The following LPP variants were observed in gnomAD, a reference collection of about 807,000 sequenced individuals.
LPP encodes LIM domain containing preferred translocation partner in lipoma.
LPP carries 38 observed loss-of-function variants against 60.4 expected under a neutral mutation model. The ratio of observed to expected loss-of-function variants is 0.63; its 90% confidence interval spans 0.49 to 0.83. The LOEUF is 0.83. Among genes scored for constraint, LPP ranks in the 40% least tolerant of loss-of-function variants. The pLI is 0.00. For missense variants in LPP, 902 were observed against 783.6 expected (o/e 1.15, Z -1.80); for synonymous variants, 328 against 290.8 (o/e 1.13, Z -1.30).
At chr3:188,577,656 A>G (rs75554010) in intron 6 of LPP, among the ~76,000 whole-genome samples, 22,905 of 151,690 alleles carry the variant, frequency 0.15, 1,986 homozygotes, top group Middle Eastern at 0.23. Context: ...ATATCTACAA[A>G]GGCAAATTAA....
At chr3:188,616,114 T>A (rs148718141) in intron 7 of LPP, among the ~76,000 whole-genome samples, 100 of 152,336 alleles carry the variant, frequency 6.6e-4, no homozygotes, top group Admixed American at 5.6e-3. Flanking sequence ...TTTTGGCTTT[T>A]GTTGCAATTG....
At position 188,248,468 on chromosome 3, in the gene LPP, T is replaced by TTATATATATATATATATATATATATA. The variant is rs55811112; in HGVS notation, c.-67+22946_-67+22971dup. 3.0e-3 allele frequency among the ~76,000 whole-genome samples: 256 copies of TTATATATATATATATATATATATATA among 84,056 alleles called. 7 individuals carry two copies. Among genetic ancestry groups the TTATATATATATATATATATATATATA allele is most frequent in the African/African-American group, 5.9e-3 (111 of 18,802 alleles). The allele number at this position is 84,056 out of a possible 152,430, so 55.1% of individuals were successfully genotyped here. A position where few individuals can be genotyped will look rare whatever the true frequency, so the allele number is the denominator to read the frequency against. The stretch of plus-strand genomic sequence containing the variant: ...CCTAGTGTTCAGCTGCAGTATAACT[T>TTATATATATATATATATATATATATA]TATATATATATATATATATATATAT... On this transcript the variant is annotated intron_variant, in intron 2 of 11. Coordinates refer to ENST00000617246, the MANE Select transcript of LPP (RefSeq NM_001375462.1).
chr3:188,881,199 A>G lies in LPP; in HGVS notation c.*6720A>G, dbSNP rs1769973440. Reference sequence around the variant, plus strand: ...TTTAAAGATCTGAATCTTCTCTGTTATTTTCCTGATGAATCACCATCCCAT... The same window carrying G: ...TTTAAAGATCTGAATCTTCTCTGTTGTTTTCCTGATGAATCACCATCCCAT... On this transcript the variant is annotated 3_prime_UTR_variant, in exon 12 of 12. Coordinates refer to ENST00000617246, the MANE Select transcript of LPP (RefSeq NM_001375462.1). The G allele has an allele frequency of 5.8e-6, 1 of 172,668 alleles. No homozygotes were observed. The highest frequency in any genetic ancestry group is 6.6e-5 in the Admixed American group (1 of 15,240). 10.7% of individuals were successfully genotyped at this position (172,668 alleles called of 1,614,324 possible). A position where few individuals can be genotyped will look rare whatever the true frequency, so the allele number is the denominator to read the frequency against.
intron 7 of LPP, chr3:188,688,658 G>A (rs1486959156): frequency 7.2e-6 from 3 of 414,464 alleles, no homozygotes; most frequent in Non-Finnish European, 1.4e-5. Flanking sequence ...AATATAATTA[G>A]GTTTGTATTT....
intron 7 of LPP, among the ~76,000 whole-genome samples, chr3:188,614,656 G>A (rs950631812): frequency 6.6e-5 from 10 of 152,054 alleles, no homozygotes; most frequent in Non-Finnish European, 1.0e-4. Context: ...CAAATTCATC[G>A]GACAGCCACA....
At chr3:188,363,177 T>C (rs1770031444) in intron 3 of LPP, among the ~76,000 whole-genome samples, 1 of 152,194 alleles carries the variant, frequency 6.6e-6, no homozygotes, top group Non-Finnish European at 1.5e-5. Context: ...TCATTAAGAC[T>C]GCCCACAGGA....
chr3:188,825,342 G>A (rs1755182268), intron 9 of LPP, among the ~76,000 whole-genome samples: 1 of 146,286 alleles, frequency 6.8e-6, no homozygotes, highest in Admixed American at 7.0e-5. Flanking sequence ...TGGTGGTGAA[G>A]AAAGCTGTCA....
At chr3:188,783,267 C>T (rs1232584304) in intron 9 of LPP, among the ~76,000 whole-genome samples, 1 of 152,116 alleles carries the variant, frequency 6.6e-6, no homozygotes, top group East Asian at 1.9e-4. Context: ...AATGCTGTCT[C>T]CACACTATTC....
In LPP at chr3:188,609,787, G is replaced by A; in HGVS notation, c.1056G>A (p.Lys352=). Reference sequence around the variant, plus strand: ...GGATGTATCCAGTCACTGGTCCCAAGAAGACCTATATCACAGATCCTGTTT... The same window carrying A: ...GGATGTATCCAGTCACTGGTCCCAAAAAGACCTATATCACAGATCCTGTTT... ...PPGMYPVTGP[K]KTYITDPVSA... is the part of the protein sequence containing the mutation. The change falls in exon 7 of 12, where the codon AAG becomes AAA. Residue 352 remains lysine, a synonymous_variant. Coordinates refer to ENST00000617246, the MANE Select transcript of LPP (RefSeq NM_001375462.1). This position sits in a 1 kb window ranked among gnomAD's most constrained non-coding sequence, Gnocchi z 6.9. The A allele has an allele frequency of 1.2e-6, 2 of 1,613,992 alleles. No individual in the cohort carries two copies. The highest frequency in any genetic ancestry group is 1.3e-5 in the African/African-American group (1 of 75,048).
chr3:188,678,295 C>T (rs60798362), intron 7 of LPP, among the ~76,000 whole-genome samples: 4,955 of 152,228 alleles, frequency 0.033, 258 homozygotes, highest in African/African-American at 0.11. Context: ...TCTTCTGTTG[C>T]GGGACATTAC....
rs1769567113 is a variant in LPP, at chr3:188,878,784, G to GAA, written c.*4308_*4309dup. On this transcript the variant is annotated 3_prime_UTR_variant, in exon 12 of 12. Coordinates refer to ENST00000617246, the MANE Select transcript of LPP (RefSeq NM_001375462.1). ...TAAAAAAAAAAAAAAAAGAAAGAAA[G>GAA]AAAAGAAAGAGAGAGAAGTCAACTT... 1.1e-5 allele frequency: 2 copies of GAA among 185,350 alleles called. No homozygotes were observed. The highest frequency in any genetic ancestry group is 2.2e-5 in the Non-Finnish European group (2 of 91,372). The allele number at this position is 185,350 out of a possible 1,614,324, so 11.5% of individuals were successfully genotyped here.
chr3:188,656,966 G>A (rs1853359948), intron 7 of LPP, among the ~76,000 whole-genome samples: 3 of 151,988 alleles, frequency 2.0e-5, no homozygotes, highest in Admixed American at 6.6e-5. Context: ...ACCACTTCTA[G>A]CTAACCACTC....
chr3:188,314,335 C>G (rs1369703955), intron 2 of LPP, among the ~76,000 whole-genome samples: 1 of 151,202 alleles, frequency 6.6e-6, no homozygotes, highest in Non-Finnish European at 1.5e-5. Flanking sequence ...AAAAGGTTAT[C>G]TAGCTTTTTT....
intron 1 of LPP, among the ~76,000 whole-genome samples, chr3:188,193,222 A>G (rs573519447): frequency 4.6e-5 from 7 of 152,260 alleles, no homozygotes; most frequent in African/African-American, 1.7e-4. Flanking sequence ...TACAAGAAGA[A>G]GTTGGCGTTC....
At chr3:188,333,920 T>TA (rs920519437) in intron 2 of LPP, among the ~76,000 whole-genome samples, 8 of 152,150 alleles carry the variant, frequency 5.3e-5, no homozygotes, top group African/African-American at 1.9e-4. Flanking sequence ...AAATATACAA[T>TA]AAATTGTTGG....
intron 5 of LPP, among the ~76,000 whole-genome samples, chr3:188,512,044 C>A (rs1244999741): frequency 6.6e-6 from 1 of 152,186 alleles, no homozygotes; most frequent in South Asian, 2.1e-4. Flanking sequence ...CTTCACTATA[C>A]AAACTACCTT....
At chr3:188,499,164 G>A (rs1008967046) in intron 5 of LPP, among the ~76,000 whole-genome samples, 2 of 152,010 alleles carry the variant, frequency 1.3e-5, no homozygotes, top group African/African-American at 4.8e-5. Context: ...TTTGTCTCTT[G>A]TGTTATTTGT....
intron 7 of LPP, among the ~76,000 whole-genome samples, chr3:188,689,894 G>C (rs1577044490): frequency 6.6e-6 from 1 of 150,624 alleles, no homozygotes. Context: ...GACACATGAT[G>C]GTATATCAGG....
intron 9 of LPP, among the ~76,000 whole-genome samples, chr3:188,778,281 C>T (rs1308385136): frequency 2.6e-5 from 4 of 152,166 alleles, no homozygotes; most frequent in East Asian, 1.9e-4. Flanking sequence ...AGGATGCCTA[C>T]ATTCTGTATT....
Sources: gnomAD v4.1 joint callset for allele counts (sites outside exome capture counted in the v4.1 genomes callset) on GRCh38, gnomAD v4.1.1 for gene constraint, Gnocchi (gnomAD v3.1) non-coding constraint, MANE v1.5 for transcripts, NCBI Gene and HGNC (gene_info 2026-07-23, HGNC 2026-07-21) for gene names.